The following SHC4 variants were observed in gnomAD, a reference collection of about 807,000 sequenced individuals.
SHC4 encodes SHC-transforming protein 4.
SHC4 carries 41 observed loss-of-function variants against 69.4 expected under a neutral mutation model. The ratio of observed to expected loss-of-function variants is 0.59; its 90% CI spans 0.46 to 0.77. The LOEUF (loss-of-function observed/expected upper bound fraction) is 0.77. Ranked by LOEUF, SHC4 falls within the 30% of genes least tolerant of loss-of-function variation. The pLI, the probability that SHC4 is intolerant of heterozygous loss-of-function variation, is 0.00. For synonymous variants in SHC4, 318 were observed against 299.3 expected (o/e 1.06, Z -0.64); for missense variants, 777 against 783.8 (o/e 0.99, Z 0.10).
rs759416600 is a variant in SHC4, at chr15:48,878,438, G to A, written c.840+5810C>T. The A allele has an allele frequency of 1.9e-6, 3 of 1,613,062 alleles. No homozygotes were observed. The South Asian group carries it at 3.3e-5, about 18-fold the overall frequency. On this transcript the variant is annotated intron_variant, in intron 4 of 11. Transcript: ENST00000332408. ...CAACGCTGGGGAGCAGCCAGGCCAG[G>A]TGGCGGGCGCAGACTTCGAGAGCGA...
intron 4 of SHC4, chr15:48,879,304 T>C (rs1325042810): frequency 6.0e-6 from 1 of 167,580 alleles, no homozygotes; most frequent in Admixed American, 6.5e-5. Flanking sequence ...ATGTATCACG[T>C]GTGCTTTGTA....
At chr15:48,952,254 T>C (rs1184221072) in intron 1 of SHC4, among the ~76,000 whole-genome samples, 1 of 152,216 alleles carries the variant, frequency 6.6e-6, no homozygotes, top group African/African-American at 2.4e-5. Flanking sequence ...AGGGTAAAAA[T>C]CCAATTTCTG....
chr15:48,857,706 A>G lies in SHC4; in HGVS notation c.1056T>C (p.Asn352=), dbSNP rs1899354456. ...FKQYLKNPSL[N]TSCESEEVHI... is the part of the protein sequence containing the mutation. Reference sequence around the variant, plus strand: ...TCTTGGCTGACCTTTCACAAGAAGTATTCAAAGAAGGATTTTTCAAGTACT... The same window carrying G: ...TCTTGGCTGACCTTTCACAAGAAGTGTTCAAAGAAGGATTTTTCAAGTACT... Residue 352 remains asparagine (N), a synonymous_variant, in exon 7 of 12, where the codon AAT becomes AAC. Transcript: ENST00000332408. 1 of 1,600,098 alleles carries G rather than the reference A, an allele frequency of 6.2e-7. No homozygotes were observed. The highest frequency in any genetic ancestry group is 8.5e-7 in the Non-Finnish European group (1 of 1,172,814).
Position 48,872,106 on chromosome 15 carries a change from CA to C in SHC4, c.876del (p.Phe292LeufsTer16). 1 of 1,595,334 alleles carries C rather than the reference CA, an allele frequency of 6.3e-7. No homozygotes were observed. Among genetic ancestry groups the C allele is most frequent in the Non-Finnish European group, 8.6e-7 (1 of 1,168,132 alleles). ...IANHHMQSIS[F>X]ASGGDPDTTD... Reference sequence around the variant, plus strand: ...ATACTTACAGGATCCCCTCCAGAGGCAAATGAAATAGACTGCATATGATGAT... The same window carrying C: ...ATACTTACAGGATCCCCTCCAGAGGCAATGAAATAGACTGCATATGATGAT... On this transcript the variant is annotated frameshift_variant, in exon 5 of 12. Coordinates refer to ENST00000332408, the MANE Select transcript of SHC4 (RefSeq NM_203349.4). LOFTEE classifies it high-confidence loss of function.
intron 9 of SHC4, among the ~76,000 whole-genome samples, chr15:48,843,987 T>C (rs1899042438): frequency 6.6e-6 from 1 of 152,242 alleles, no homozygotes; most frequent in South Asian, 2.1e-4. Flanking sequence ...CATATTGAAC[T>C]TGATTATCTA....
rs78235299 is a variant in SHC4 at position 48,956,057 on chromosome 15, G to C, written c.585+6374C>G. On this transcript the variant is annotated intron_variant, in intron 1 of 11. Coordinates refer to ENST00000332408, the MANE Select transcript of SHC4 (RefSeq NM_203349.4). ...GGGATATGTGAAGGTCTAGAGAGAA[G>C]AACAGGGGAACGGGTCAAACCTGCC... Among the ~76,000 whole-genome samples the C allele has an allele frequency of 1.9e-3, 287 of 152,298 alleles. 1 individual carries two copies. Among genetic ancestry groups the C allele is most frequent in the Non-Finnish European group, 3.4e-3 (231 of 68,016 alleles).
At chr15:48,876,440 TAC>T in intron 4 of SHC4, 1 of 324,130 alleles carries the variant, frequency 3.1e-6, no homozygotes, top group Non-Finnish European at 5.4e-6. Flanking sequence ...ATGGAATATA[TAC>T]ATATATATAT....
intron 3 of SHC4, among the ~76,000 whole-genome samples, chr15:48,885,610 A>G (rs890820440): frequency 6.6e-5 from 10 of 152,224 alleles, no homozygotes; most frequent in African/African-American, 1.4e-4. Context: ...AAGGCAATCA[A>G]TGAAAACACA....
At chr15:48,931,970 T>G (rs1900974387) in intron 1 of SHC4, among the ~76,000 whole-genome samples, 1 of 151,972 alleles carries the variant, frequency 6.6e-6, no homozygotes, top group African/African-American at 2.4e-5. Flanking sequence ...AAGACATTGA[T>G]TCTGACAATT....
chr15:48,872,662 A>G (rs1367616901), intron 4 of SHC4, among the ~76,000 whole-genome samples: 2 of 152,122 alleles, frequency 1.3e-5, no homozygotes, highest in Non-Finnish European at 2.9e-5. Flanking sequence ...CTCCCTTTAT[A>G]TTTTTGTTTC....
intron 1 of SHC4, among the ~76,000 whole-genome samples, chr15:48,949,439 C>T (rs566718629): frequency 1.3e-5 from 2 of 151,844 alleles, no homozygotes; most frequent in African/African-American, 2.4e-5. Flanking sequence ...TATTCTTCCA[C>T]GATCTCTCTA....
At chr15:48,950,368 TCAGCTAGAAGA>T (rs1901347901) in intron 1 of SHC4, among the ~76,000 whole-genome samples, 1 of 151,812 alleles carries the variant, frequency 6.6e-6, no homozygotes, top group Non-Finnish European at 1.5e-5. Flanking sequence ...CCTTGATTAC[TCAGCTAGAAGA>T]CATCTCCACC....
At position 48,878,631 on chromosome 15, in the gene SHC4, A is replaced by C. The variant is rs558068343; in HGVS notation, c.840+5617T>G. 8.1e-6 allele frequency: 13 copies of C among 1,613,958 alleles called. No individual in the cohort carries two copies. In the South Asian group the frequency reaches 1.2e-4, roughly 15 times the overall value. On this transcript the variant is annotated intron_variant, in intron 4 of 11. Coordinates refer to ENST00000332408, the MANE Select transcript of SHC4 (RefSeq NM_203349.4). ...GATGGCGGGTTTCAGATGCATTATG[A>C]GAAGACCCCGTTTGATCAGTTAGCT...
At chr15:48,902,915 G>A (rs1424343093) in intron 2 of SHC4, among the ~76,000 whole-genome samples, 7 of 152,232 alleles carry the variant, frequency 4.6e-5, no homozygotes, top group Non-Finnish European at 5.9e-5. Flanking sequence ...AGCCTGAGAC[G>A]TGCTAACAAG....
intron 2 of SHC4, among the ~76,000 whole-genome samples, chr15:48,899,439 C>T (rs1900279154): frequency 6.6e-6 from 1 of 152,118 alleles, no homozygotes; most frequent in East Asian, 1.9e-4. Context: ...GCACTACAAC[C>T]TGGGTGACAG....
chr15:48,947,764 T>C (rs1901301028), intron 1 of SHC4: 2 of 152,318 alleles, frequency 1.3e-5, no homozygotes, highest in Admixed American at 1.3e-4. Flanking sequence ...ACAAAAGCTA[T>C]TGAAAAAAAT....
intron 3 of SHC4, among the ~76,000 whole-genome samples, chr15:48,888,053 T>C (rs531944545): frequency 3.3e-5 from 5 of 152,312 alleles, no homozygotes; most frequent in Admixed American, 2.6e-4. Flanking sequence ...GAAAACAGTA[T>C]GGCAGTTCCT....
intron 4 of SHC4, chr15:48,878,089 C>T: frequency 3.4e-6 from 5 of 1,490,992 alleles, no homozygotes; most frequent in Non-Finnish European, 8.9e-7. Flanking sequence ...TACGCAAGCG[C>T]GCAGCCTTTG....
intron 1 of SHC4, among the ~76,000 whole-genome samples, chr15:48,941,116 C>T (rs1237638012): frequency 2.6e-5 from 4 of 152,130 alleles, no homozygotes; most frequent in Non-Finnish European, 4.4e-5. Context: ...TCTGATGTCA[C>T]TCAGCATTTA....
Sources: allele counts gnomAD v4.1 joint callset (sites outside exome capture counted in the v4.1 genomes callset), GRCh38; gene constraint gnomAD v4.1.1; transcripts MANE v1.5; gene names NCBI Gene and HGNC (gene_info 2026-07-23, HGNC 2026-07-21).